ZNF710: variants seen among roughly 807,000 people sequenced by gnomAD.
ZNF710 encodes zinc finger protein 710.
Under a neutral mutation model 50.6 loss-of-function variants are expected in ZNF710, and 13 were observed. That is an observed-to-expected ratio of 0.26 (90% CI 0.17 to 0.41). The LOEUF is 0.41. ZNF710 is among the 10% of genes least tolerant of loss of function. The pLI is 1.00. For missense variants in ZNF710, 721 were observed against 936.6 expected (o/e 0.77, Z 3.01); for synonymous variants, 383 against 397.0 (o/e 0.96, Z 0.42).
At chr15:90,054,725 C>T (rs545046703) in intron 1 of ZNF710, among the ~76,000 whole-genome samples, 1 of 152,340 alleles carries the variant, frequency 6.6e-6, no homozygotes, top group African/African-American at 2.4e-5. Context: ...GTTTTGTCTG[C>T]TTTTCCCGTT....
At chr15:90,003,064 C>CG (rs1042155303) in intron 1 of ZNF710, among the ~76,000 whole-genome samples, 2 of 152,132 alleles carry the variant, frequency 1.3e-5, no homozygotes, top group Non-Finnish European at 2.9e-5. Flanking sequence ...TTAGGAGAGA[C>CG]GGGGTTTCAC....
At chr15:90,008,955 A>G (rs981637584) in intron 1 of ZNF710, among the ~76,000 whole-genome samples, 1 of 152,110 alleles carries the variant, frequency 6.6e-6, no homozygotes, top group Non-Finnish European at 1.5e-5. Flanking sequence ...CGACCCAACT[A>G]TTTTCCCTTT....
intron 1 of ZNF710, among the ~76,000 whole-genome samples, chr15:90,010,117 C>G (rs1898258916): frequency 3.9e-5 from 6 of 152,118 alleles, no homozygotes; most frequent in Admixed American, 3.3e-4. Flanking sequence ...ACTTGCTTAC[C>G]TACCATGACT....
chr15:90,020,638 AAGG>A (rs1898588931), intron 1 of ZNF710, among the ~76,000 whole-genome samples: 1 of 152,202 alleles, frequency 6.6e-6, no homozygotes, highest in South Asian at 2.1e-4. Context: ...AGTTTGGGAG[AAGG>A]AGGCTGCATG....
At chr15:90,012,875 T>G (rs959055816) in intron 1 of ZNF710, among the ~76,000 whole-genome samples, 10 of 152,184 alleles carry the variant, frequency 6.6e-5, no homozygotes, top group African/African-American at 2.4e-4. Context: ...TTTTCAAATA[T>G]GCTCGGTCTT....
intron 1 of ZNF710, chr15:90,045,462 A>G (rs1290602156): frequency 2.1e-6 from 2 of 931,130 alleles, no homozygotes; most frequent in African/African-American, 3.6e-5. Context: ...CACTGAGGTG[A>G]GCGCAGAAGC....
rs767428604 is a variant in ZNF710 at position 90,067,713 on chromosome 15, G to A, written c.576G>A (p.Pro192=). 36 of 1,606,884 alleles carry A rather than the reference G, an allele frequency of 2.2e-5. No individual in the cohort carries two copies. The East Asian group carries it at 5.1e-4, about 23-fold the overall frequency. The change falls in exon 2 of 5, where the codon CCG becomes CCA. Residue 192 remains proline (P), a synonymous_variant. Coordinates refer to ENST00000268154, the MANE Select transcript of ZNF710 (RefSeq NM_198526.4). The surrounding 1 kb of genome is among the most constrained non-coding windows in gnomAD (Gnocchi z 8.1). ...TGGCCCCATATGACCCTCACTTCCCGGCCCCGGCCCGGGATGGCTTCCCCG... is the reference window on the plus strand; with the variant it reads ...TGGCCCCATATGACCCTCACTTCCCAGCCCCGGCCCGGGATGGCTTCCCCG... ...LNVAPYDPHF[P]APARDGFPEP... is the part of the protein sequence containing the mutation.
chr15:90,045,322 G>A (rs1899425120), intron 1 of ZNF710: 1 of 985,326 alleles, frequency 1.0e-6, no homozygotes, highest in African/African-American at 1.7e-5. Flanking sequence ...ACAGCAGAAA[G>A]AAGGAAGCTG....
At position 90,059,124 on chromosome 15, in the gene ZNF710, T is replaced by G. The variant is rs764355530; in HGVS notation, c.-28-7986T>G. ...AGAGAGGGTCCTCATCCTGTCCTCA[T>G]GTACTTCAAGGGAAGCAGTGCTTGC... On this transcript the variant is annotated intron_variant, in intron 1 of 4. Transcript: ENST00000268154. This position sits in a 1 kb window ranked among gnomAD's most constrained non-coding sequence, Gnocchi z 4.1. Among the ~76,000 whole-genome samples, 2 of 152,192 alleles carry G rather than the reference T, an allele frequency of 1.3e-5. No homozygotes were observed. Among genetic ancestry groups the G allele is most frequent in the Non-Finnish European group, 2.9e-5 (2 of 68,040 alleles).
intron 1 of ZNF710, among the ~76,000 whole-genome samples, chr15:90,035,132 G>A (rs889579224): frequency 6.6e-6 from 1 of 152,254 alleles, no homozygotes; most frequent in African/African-American, 2.4e-5. Context: ...GCTGGGCACA[G>A]GCACATGGCC....
At chr15:90,071,776 T>C (rs1402262575) in intron 2 of ZNF710, among the ~76,000 whole-genome samples, 1 of 151,784 alleles carries the variant, frequency 6.6e-6, no homozygotes, top group Non-Finnish European at 1.5e-5. Context: ...CCTCCTGGGT[T>C]TAAGCAATTC....
intron 1 of ZNF710, among the ~76,000 whole-genome samples, chr15:90,063,980 C>T (rs72758617): frequency 0.095 from 14,402 of 152,270 alleles, 801 homozygotes; most frequent in South Asian, 0.12. Context: ...GGCTAGTAGA[C>T]GGCAGAGCCT....
intron 1 of ZNF710, 83 bp downstream of exon 1, chr15:90,001,697 G>C (rs921152055): frequency 2.4e-4 from 34 of 143,912 alleles, no homozygotes; most frequent in African/African-American, 8.5e-4. Flanking sequence ...GGCGCGGGGG[G>C]CGCGGGGGTG....
At chr15:90,054,425 G>A (rs1478128551) in intron 1 of ZNF710, among the ~76,000 whole-genome samples, 1 of 152,214 alleles carries the variant, frequency 6.6e-6, no homozygotes, top group Non-Finnish European at 1.5e-5. Context: ...CAGGTTGGCA[G>A]GGGAGGAAGA....
rs1457743066 is a variant in ZNF710, at chr15:90,074,333, A to C, written c.1825+43A>C. ...AATGGACAGAGCAGGAATGATACCA[A>C]CATGACGCACTCAGGAGCCTCCTGC... On this transcript the variant is annotated intron_variant, in intron 4 of 4. Transcript: ENST00000268154. 1.2e-6 allele frequency: 2 copies of C among 1,605,358 alleles called. 1 individual carries two copies.
At chr15:90,060,098 C>A (rs1899960046) in intron 1 of ZNF710, among the ~76,000 whole-genome samples, 1 of 150,866 alleles carries the variant, frequency 6.6e-6, no homozygotes, top group Non-Finnish European at 1.5e-5. Flanking sequence ...CCTGTCCCCA[C>A]CCCACCCCAC....
chr15:90,078,499 C>A (rs1036167003), intron 4 of ZNF710, among the ~76,000 whole-genome samples: 1 of 152,186 alleles, frequency 6.6e-6, no homozygotes, highest in Admixed American at 6.5e-5. Context: ...ACCCATTCAA[C>A]AGGATTGGGT....
intron 1 of ZNF710, among the ~76,000 whole-genome samples, chr15:90,041,941 A>G (rs1899309071): frequency 1.5e-5 from 2 of 131,416 alleles, no homozygotes; most frequent in African/African-American, 6.0e-5. Flanking sequence ...TCTGTTGCCC[A>G]GGCTTGAGTG....
chr15:90,051,990 C>T (rs1306589539), intron 1 of ZNF710, among the ~76,000 whole-genome samples: 1 of 152,128 alleles, frequency 6.6e-6, no homozygotes, highest in Non-Finnish European at 1.5e-5. Context: ...CCATGTATCC[C>T]TCCCTTCTAC....
Sources: allele counts gnomAD v4.1 joint callset (sites outside exome capture counted in the v4.1 genomes callset), GRCh38; gene constraint gnomAD v4.1.1; non-coding constraint Gnocchi (gnomAD v3.1); transcripts MANE v1.5; gene names NCBI Gene and HGNC (gene_info 2026-07-23, HGNC 2026-07-21).